ADAM12: variants seen among roughly 807,000 people sequenced by gnomAD.
ADAM12 encodes ADAM metallopeptidase domain 12.
In ADAM12, 70 loss-of-function variants were observed where a neutral mutation model predicts 106.4. The ratio of observed to expected loss-of-function variants is 0.66; its 90% CI spans 0.54 to 0.80. ADAM12 has a LOEUF of 0.80. Among genes scored for constraint, ADAM12 ranks in the 30% least tolerant of loss-of-function variants. ADAM12 has a pLI of 0.00. For synonymous variants in ADAM12, 420 were observed against 433.5 expected (o/e 0.97, Z 0.39); for missense variants, 1,010 against 1,171.9 (o/e 0.86, Z 2.02).
chr10:126,121,482 A>C (rs1467325360), intron 5 of ADAM12, among the ~76,000 whole-genome samples: 17 of 95,068 alleles, frequency 1.8e-4, no homozygotes, highest in Admixed American at 1.4e-3. Flanking sequence ...GAAATTATAT[A>C]ATATGTAACA....
intron 3 of ADAM12, among the ~76,000 whole-genome samples, chr10:126,198,393 T>C (rs1366105010): frequency 6.6e-6 from 1 of 152,208 alleles, no homozygotes; most frequent in Non-Finnish European, 1.5e-5. Flanking sequence ...GCCCGGCAAG[T>C]CTCATCACCC....
intron 1 of ADAM12, among the ~76,000 whole-genome samples, chr10:126,348,120 A>G (rs1855216004): frequency 6.6e-6 from 1 of 152,222 alleles, no homozygotes; most frequent in African/African-American, 2.4e-5. Context: ...TTAGTGCTCA[A>G]TTAGAAGTTA....
chr10:126,134,496 C>T (rs967484023), intron 5 of ADAM12, among the ~76,000 whole-genome samples: 7 of 152,188 alleles, frequency 4.6e-5, no homozygotes, highest in African/African-American at 7.2e-5. Context: ...ACGGGATGAA[C>T]GAGGAAGAGG....
chr10:126,278,285 A>G (rs1959374135), intron 3 of ADAM12, among the ~76,000 whole-genome samples: 1 of 152,180 alleles, frequency 6.6e-6, no homozygotes, highest in Admixed American at 6.5e-5. Flanking sequence ...GCCAGGGTGC[A>G]AAGAATAAGA....
rs143722865 is a variant in ADAM12, at chr10:126,228,122, G to C, written c.260+50793C>G. On this transcript the variant is annotated intron_variant, in intron 3 of 22. Transcript: ENST00000448723. Reference sequence around the variant, plus strand: ...AGCAGATAGGACATCTGATGGGGAAGCCTGCACCCCTAACAATGCTTGGGT... The same window carrying C: ...AGCAGATAGGACATCTGATGGGGAACCCTGCACCCCTAACAATGCTTGGGT... Among the ~76,000 whole-genome samples, 1,300 of 152,282 alleles carry C rather than the reference G, an allele frequency of 8.5e-3. 18 individuals are homozygous for C. Among genetic ancestry groups the C allele is most frequent in the African/African-American group, 0.03 (1,255 of 41,546 alleles).
intron 5 of ADAM12, among the ~76,000 whole-genome samples, chr10:126,122,747 G>A (rs1419126373): frequency 1.3e-5 from 2 of 152,222 alleles, no homozygotes; most frequent in East Asian, 1.9e-4. Flanking sequence ...GTGACAGAAC[G>A]AGAGTCCCTC....
chr10:126,061,104 C>T (rs769924064), intron 14 of ADAM12, among the ~76,000 whole-genome samples: 64 of 152,218 alleles, frequency 4.2e-4, no homozygotes, highest in Non-Finnish European at 5.6e-4. Flanking sequence ...GTCTTCAAAG[C>T]CTCCTAGTTG....
intron 6 of ADAM12, among the ~76,000 whole-genome samples, chr10:126,115,616 C>T (rs892227037): frequency 5.3e-5 from 8 of 152,142 alleles, no homozygotes; most frequent in African/African-American, 1.4e-4. Context: ...TGAAGAAAAA[C>T]GCAAACATCT....
At chr10:126,029,499 A>C (rs1300782621) in intron 21 of ADAM12, among the ~76,000 whole-genome samples, 1 of 152,154 alleles carries the variant, frequency 6.6e-6, no homozygotes, top group African/African-American at 2.4e-5. Flanking sequence ...CAGAAAACCA[A>C]ATACCCCATG....
At chr10:126,333,462 A>G (rs1364299308) in intron 1 of ADAM12, among the ~76,000 whole-genome samples, 2 of 152,188 alleles carry the variant, frequency 1.3e-5, no homozygotes, top group East Asian at 3.9e-4. Context: ...GAGAAGCTGT[A>G]TGTGTGAGGA....
intron 4 of ADAM12, among the ~76,000 whole-genome samples, chr10:126,149,189 A>C (rs760944367): frequency 4.6e-5 from 7 of 152,214 alleles, no homozygotes; most frequent in Non-Finnish European, 1.0e-4. Context: ...TCCTGTGCAC[A>C]TGTGAATCAG....
At position 126,095,340 on chromosome 10, in the gene ADAM12, C is replaced by T. The variant is rs568236164; in HGVS notation, c.997-1207G>A. Among the ~76,000 whole-genome samples the T allele has an allele frequency of 2.7e-4, 41 of 152,082 alleles. 1 individual carries two copies. Among genetic ancestry groups the T allele is most frequent in the African/African-American group, 8.7e-4 (36 of 41,488 alleles). On this transcript the variant is annotated intron_variant, in intron 10 of 22. Transcript: ENST00000448723. ...ATGAGGTCAGGAGATCAAGACCATCCTGGCTAACACAGTTAAACCCTGTCT... is the reference window on the plus strand; with the variant it reads ...ATGAGGTCAGGAGATCAAGACCATCTTGGCTAACACAGTTAAACCCTGTCT...
chr10:126,387,188 A>AGGC (rs1283363089), intron 1 of ADAM12, among the ~76,000 whole-genome samples: 3 of 152,204 alleles, frequency 2.0e-5, no homozygotes, highest in Admixed American at 6.5e-5. Context: ...GGCAGAAAGA[A>AGGC]GGCGGCGGCG....
At chr10:126,060,589 C>G (rs554543918) in intron 14 of ADAM12, among the ~76,000 whole-genome samples, 2 of 152,216 alleles carry the variant, frequency 1.3e-5, no homozygotes, top group Non-Finnish European at 1.5e-5. Context: ...CAAATGCAAA[C>G]TTGACAATAA....
chr10:126,225,049 C>T (rs960832792), intron 3 of ADAM12, among the ~76,000 whole-genome samples: 2 of 152,216 alleles, frequency 1.3e-5, no homozygotes, highest in Non-Finnish European at 2.9e-5. Context: ...AAAGGGGGCA[C>T]CCCCGAAGAG....
rs779038126 is a variant in ADAM12, at chr10:126,094,036, C to G, written c.1094G>C (p.Ser365Thr). Residue 365 changes from serine to threonine, a missense_variant, in exon 11 of 23, where the codon AGC becomes ACC. Ser to Thr is a moderately conservative substitution (Grantham distance 58). Around this residue, in one of 3 missense-constraint regions of ADAM12, gnomAD observed 615 missense variants for 708.5 expected, o/e 0.87. Transcript: ENST00000448723. Reference sequence around the variant, plus strand: ...TCCTTTCTCAACCGCCATTTGACAGCTACAGCCCCTGTCCAGTGTGTCATG... The same window carrying G: ...TCCTTTCTCAACCGCCATTTGACAGGTACAGCCCCTGTCCAGTGTGTCATG... The part of the protein sequence containing the change: ...MNHDTLDRGC[S>T]CQMAVEKGGC... 3.7e-6 allele frequency: 6 copies of G among 1,614,184 alleles called. No individual in the cohort carries two copies. In the South Asian group the frequency reaches 6.6e-5, roughly 18 times the overall value.
At chr10:126,342,809 T>G (rs2133871584) in intron 1 of ADAM12, among the ~76,000 whole-genome samples, 1 of 152,248 alleles carries the variant, frequency 6.6e-6, no homozygotes, top group East Asian at 1.9e-4. Flanking sequence ...AGATGAGCAC[T>G]TAATATGTCA....
intron 3 of ADAM12, among the ~76,000 whole-genome samples, chr10:126,256,049 C>T (rs976987236): frequency 4.6e-5 from 7 of 152,282 alleles, no homozygotes; most frequent in East Asian, 3.9e-4. Context: ...AAGTCTGCCA[C>T]GGTGGTGCTC....
chr10:126,102,589 C>G (rs75240125), intron 8 of ADAM12, among the ~76,000 whole-genome samples: 3,529 of 152,322 alleles, frequency 0.023, 106 homozygotes, highest in East Asian at 0.084. Context: ...ATCTGGTGAG[C>G]ATTGGGTTAG....
Sources: allele counts gnomAD v4.1 joint callset (sites outside exome capture counted in the v4.1 genomes callset), GRCh38; gene constraint gnomAD v4.1.1; regional missense constraint gnomAD v4.1.1; transcripts MANE v1.5; gene names NCBI Gene and HGNC (gene_info 2026-07-23, HGNC 2026-07-21).